PFKM: variants seen among roughly 807,000 people sequenced by gnomAD.
PFKM encodes the protein ATP-dependent 6-phosphofructokinase, muscle type.
In PFKM, 58 loss-of-function variants were observed where a neutral mutation model predicts 95.5. The ratio of observed to expected loss-of-function variants is 0.61; its 90% CI spans 0.49 to 0.76. PFKM has a LOEUF of 0.76. Among genes scored for constraint, PFKM ranks in the 30% least tolerant of loss-of-function variants. The pLI, the probability that PFKM is intolerant of heterozygous loss-of-function variation, is 0.00. For missense variants in PFKM, 678 were observed against 1,005.4 expected, an observed-to-expected ratio of 0.67 and a Z score of 4.40; for synonymous variants, 336 against 357.2, an observed-to-expected ratio of 0.94 and a Z score of 0.67.
chr12:48,111,664 A>G (rs1309136362), intron 3 of PFKM, among the ~76,000 whole-genome samples: 1 of 152,198 alleles, frequency 6.6e-6, no homozygotes, highest in Non-Finnish European at 1.5e-5. Flanking sequence ...TGGAACTGCC[A>G]TCAGTAAACC....
At chr12:48,129,642 G>C (rs1200426660) in intron 2 of PFKM, among the ~76,000 whole-genome samples, 1 of 152,212 alleles carries the variant, frequency 6.6e-6, no homozygotes, top group Non-Finnish European at 1.5e-5. Context: ...CACAAAAAAG[G>C]GGGGTGTGTG....
At chr12:48,126,018 GTTC>G (rs573825086) in intron 2 of PFKM, among the ~76,000 whole-genome samples, 18 of 152,232 alleles carry the variant, frequency 1.2e-4, no homozygotes, top group Non-Finnish European at 1.6e-4. Context: ...ATTACCCACA[GTTC>G]TTCTTTCTAA....
chr12:48,117,937 G>A (rs573218713), upstream of PFKM, among the ~76,000 whole-genome samples: 1 of 152,300 alleles, frequency 6.6e-6, no homozygotes, highest in African/African-American at 2.4e-5. Flanking sequence ...CAGGTCATAG[G>A]TAGATTCAAA....
intron 2 of PFKM, among the ~76,000 whole-genome samples, 185 bp from the exon 3 acceptor site, chr12:48,130,178 C>T (rs1053964856): frequency 3.9e-5 from 6 of 152,180 alleles, no homozygotes; most frequent in Admixed American, 1.3e-4. Context: ...GCTCCAGTAA[C>T]ATTGACTGCA....
At chr12:48,143,123 G>A (rs1318607286) in intron 18 of PFKM, among the ~76,000 whole-genome samples, 177 bp downstream of exon 18, 4 of 152,344 alleles carry the variant, frequency 2.6e-5, no homozygotes, top group East Asian at 1.9e-4. Flanking sequence ...ATGCATGACC[G>A]CAGCTACTGT....
rs199662410 is a variant in PFKM, at chr12:48,106,920, T to C, written c.-9-445T>C. ...AGGGCTTTGTTGTTCCTGGGACACA[T>C]TGATTAACCTGGAATCTGCCATACT... On this transcript the variant is annotated intron_variant, in intron 1 of 24. Transcript: ENST00000340802. Among the ~76,000 whole-genome samples the C allele has an allele frequency of 9.2e-4, 140 of 152,328 alleles. 2 individuals are homozygous for C. The East Asian group carries it at 0.021, about 23-fold the overall frequency.
upstream of PFKM, among the ~76,000 whole-genome samples, chr12:48,114,757 T>G (rs1351126150): frequency 6.6e-6 from 1 of 152,202 alleles, no homozygotes; most frequent in African/African-American, 2.4e-5. Flanking sequence ...TCAGACCATT[T>G]GCCCATTTTT....
chr12:48,146,048 AC>A lies in PFKM; in HGVS notation c.*341del, dbSNP rs1333516008. On this transcript the variant is annotated 3_prime_UTR_variant, in exon 23 of 23. Coordinates refer to ENST00000359794, the MANE Select transcript of PFKM (RefSeq NM_000289.6). ...AACAAAGAGTCTTGGTTCCTCTACT[AC>A]TTTTACTACAGTGACAAATTGTAAC... 1.3e-5 allele frequency: 4 copies of A among 306,708 alleles called. No homozygotes were observed. Among genetic ancestry groups the A allele is most frequent in the Admixed American group, 4.7e-5 (1 of 21,092 alleles). The allele number at this position is 306,708 out of a possible 1,614,324, so 19.0% of individuals were successfully genotyped here.
At chr12:48,105,717 A>G, upstream of PFKM, 2 of 499,506 alleles carry the variant, frequency 4.0e-6, no homozygotes, top group South Asian at 4.2e-5. Flanking sequence ...CCTTTCCCCA[A>G]GTACGGCTGG....
upstream of PFKM, chr12:48,105,877 C>T: frequency 1.6e-6 from 1 of 607,520 alleles, no homozygotes; most frequent in Non-Finnish European, 2.9e-6. Context: ...GAGGTGGTCC[C>T]AGGGGGCGGG....
rs1950913161 is a variant in PFKM at position 48,145,046 on chromosome 12, C to A, written c.2008C>A (p.Pro670Thr). 1 of 1,613,542 alleles carries A rather than the reference C, an allele frequency of 6.2e-7. No individual in the cohort carries two copies. Among genetic ancestry groups the A allele is most frequent in the Non-Finnish European group, 8.5e-7 (1 of 1,179,486 alleles). Residue 670 changes from proline to threonine, a missense_variant, in exon 21 of 23, where the codon CCA (proline) becomes ACA (threonine). By Grantham distance (38) the Pro-to-Thr change is conservative (BLOSUM62 -1). Coordinates refer to ENST00000359794, the MANE Select transcript of PFKM (RefSeq NM_000289.6). This position sits in a 1 kb window ranked among gnomAD's most constrained non-coding sequence, Gnocchi z 4.3. ...GHMQQGGSPT[P>T]FDRNFATKMG... ...CTTTCTCCAGGGTGGGAGCCCAACC[C>A]CATTTGATAGGAATTTTGCCACTAA...
upstream of PFKM, among the ~76,000 whole-genome samples, chr12:48,116,274 C>T (rs1296183376): frequency 6.6e-6 from 1 of 150,718 alleles, no homozygotes; most frequent in Non-Finnish European, 1.5e-5. Context: ...CCCCTCCCTA[C>T]CTCCTTCCTT....
chr12:48,107,530 A>G (rs1946792809), intron 2 of PFKM: 2 of 934,034 alleles, frequency 2.1e-6, no homozygotes, highest in South Asian at 2.7e-5. Context: ...ACAGGATGTG[A>G]GGCTTTCTAG....
At chr12:48,114,528 T>G (rs1378079823), upstream of PFKM, among the ~76,000 whole-genome samples, 1 of 152,232 alleles carries the variant, frequency 6.6e-6, no homozygotes, top group African/African-American at 2.4e-5. Context: ...GGAGCCTGAT[T>G]CAGCCTGGCG....
intron 11 of PFKM, 87 bp downstream of exon 11, chr12:48,137,933 T>A: frequency 6.9e-7 from 1 of 1,447,052 alleles, no homozygotes; most frequent in Non-Finnish European, 9.7e-7. Flanking sequence ...CTAAGGCCAC[T>A]GGTATAGGAG....
intron 1 of PFKM, among the ~76,000 whole-genome samples, chr12:48,121,062 A>T (rs1948208701): frequency 6.6e-6 from 1 of 152,198 alleles, no homozygotes; most frequent in South Asian, 2.1e-4. Flanking sequence ...GAGGCAGGAG[A>T]ATCACTTGAA....
In PFKM at chr12:48,134,973, A is replaced by C; in HGVS notation, c.778A>C (p.Ile260Leu). 1 of 1,614,006 alleles carries C rather than the reference A, an allele frequency of 6.2e-7. No individual in the cohort carries two copies. The highest frequency in any genetic ancestry group is 2.2e-5 in the East Asian group (1 of 44,874). The change falls in exon 9 of 23, where the codon ATC (isoleucine) becomes CTC (leucine). Residue 260 changes from isoleucine to leucine, a missense_variant. Transcript: ENST00000359794. ...TRTRGSRLNI[I>L]IVAEGAIDKN... The stretch of plus-strand genomic sequence containing the variant: ...GACCCGTGGTTCTCGTCTCAACATC[A>C]TCATTGTGGCTGAGGGTGCAATTGA...
At position 48,145,453 on chromosome 12, in the gene PFKM, G is replaced by T; in HGVS notation, c.2199-111G>T. On this transcript the variant is annotated intron_variant, in intron 22 of 22. Coordinates refer to ENST00000359794, the MANE Select transcript of PFKM (RefSeq NM_000289.6). This position sits in a 1 kb window ranked among gnomAD's most constrained non-coding sequence, Gnocchi z 4.3. The stretch of plus-strand genomic sequence containing the variant: ...TATTCTTACCCATTTCAGATGTGAT[G>T]CACATGTCCTAAATCTAACCTCTTC... 1 of 1,344,214 alleles carries T rather than the reference G, an allele frequency of 7.4e-7. No homozygotes were observed. Among genetic ancestry groups the T allele is most frequent in the East Asian group, 2.4e-5 (1 of 42,484 alleles). The allele number at this position is 1,344,214 out of a possible 1,614,324, so 83.3% of individuals were successfully genotyped here. A position where few individuals can be genotyped will look rare whatever the true frequency, so the allele number is the denominator to read the frequency against.
chr12:48,107,822 A>T (rs762732726), intron 2 of PFKM, among the ~76,000 whole-genome samples: 1 of 152,190 alleles, frequency 6.6e-6, no homozygotes, highest in African/African-American at 2.4e-5. Context: ...TATCAGATAA[A>T]TCAAGCCCTA....
Sources: gnomAD v4.1 joint callset for allele counts (sites outside exome capture counted in the v4.1 genomes callset) on GRCh38, gnomAD v4.1.1 for gene constraint, Gnocchi (gnomAD v3.1) non-coding constraint, MANE v1.5 for transcripts, NCBI Gene and HGNC (gene_info 2026-07-23, HGNC 2026-07-21) for gene names.